The following PTPRT variants were observed in gnomAD, a reference collection of about 807,000 sequenced individuals.
PTPRT encodes the protein receptor-type tyrosine-protein phosphatase T.
Under a neutral mutation model 176.8 loss-of-function variants are expected in PTPRT, and 56 were observed. That is an observed-to-expected ratio of 0.32 (90% CI 0.26 to 0.40). The LOEUF (loss-of-function observed/expected upper bound fraction) is 0.40. Ranked by LOEUF, PTPRT falls within the 10% of genes least tolerant of loss-of-function variation. PTPRT has a pLI of 1.00. For missense variants in PTPRT, 1,540 were observed against 1,908.2 expected, an observed-to-expected ratio of 0.81 and a Z score of 3.60; for synonymous variants, 783 against 739.0, an observed-to-expected ratio of 1.06 and a Z score of -0.96.
chr20:42,162,921 G>C (rs903351226), intron 16 of PTPRT, among the ~76,000 whole-genome samples: 10 of 152,204 alleles, frequency 6.6e-5, no homozygotes, highest in Admixed American at 6.5e-4. Flanking sequence ...TAATGGAAGG[G>C]AACACCTGAC....
chr20:42,352,421 T>C, intron 9 of PTPRT, 136 bp from the exon 10 acceptor site: 1 of 762,448 alleles, frequency 1.3e-6, no homozygotes, highest in Non-Finnish European at 2.1e-6. Context: ...TCTGCTAAGC[T>C]GCCTGTTGCT....
Position 42,640,605 on chromosome 20 carries a change from T to G in PTPRT, c.1153+37261A>C, listed in dbSNP as rs147272784. Among the ~76,000 whole-genome samples the G allele has an allele frequency of 2.5e-3, 384 of 152,146 alleles. 4 individuals are homozygous for G. Among genetic ancestry groups the G allele is most frequent in the African/African-American group, 8.8e-3 (366 of 41,488 alleles). On this transcript the variant is annotated intron_variant, in intron 7 of 30. Transcript: ENST00000373187. Reference sequence around the variant, plus strand: ...GTTTTCACCATGTTGGCCAGGCTGGTCTCGAACTCCTGACCACCGCCTCAG... The same window carrying G: ...GTTTTCACCATGTTGGCCAGGCTGGGCTCGAACTCCTGACCACCGCCTCAG...
intron 2 of PTPRT, among the ~76,000 whole-genome samples, chr20:42,799,109 CAA>C (rs774987471): frequency 3.3e-5 from 5 of 150,688 alleles, no homozygotes; most frequent in Non-Finnish European, 7.4e-5. Flanking sequence ...AAGGAGAAAA[CAA>C]AAGAGTAATG....
At chr20:42,374,582 C>G (rs2058628969) in intron 9 of PTPRT, among the ~76,000 whole-genome samples, 1 of 151,882 alleles carries the variant, frequency 6.6e-6, no homozygotes, top group Non-Finnish European at 1.5e-5. Context: ...TCTTACAAAT[C>G]AATAAAAAAG....
At chr20:42,787,109 G>A (rs897949129) in intron 3 of PTPRT, among the ~76,000 whole-genome samples, 3 of 152,186 alleles carry the variant, frequency 2.0e-5, no homozygotes, top group Non-Finnish European at 4.4e-5. Context: ...GGCTTGTAAA[G>A]ACAAAAATGT....
chr20:43,175,113 C>T (rs1258702424), intron 1 of PTPRT, among the ~76,000 whole-genome samples: 1 of 152,198 alleles, frequency 6.6e-6, no homozygotes, highest in Non-Finnish European at 1.5e-5. Flanking sequence ...AAAGGCTGTC[C>T]TATGAAAGAA....
chr20:43,023,413 C>T (rs202031930), intron 1 of PTPRT, among the ~76,000 whole-genome samples: 3 of 152,154 alleles, frequency 2.0e-5, no homozygotes, highest in East Asian at 3.8e-4. Context: ...AGTGCTCATC[C>T]CCTCTGACAG....
chr20:42,808,683 T>C (rs1033794301), intron 2 of PTPRT, among the ~76,000 whole-genome samples: 4 of 152,174 alleles, frequency 2.6e-5, no homozygotes, highest in Non-Finnish European at 5.9e-5. Flanking sequence ...GGAGCTAATC[T>C]GGATGCGTCA....
chr20:42,185,144 T>C (rs895760322), intron 16 of PTPRT, among the ~76,000 whole-genome samples: 9 of 152,192 alleles, frequency 5.9e-5, no homozygotes, highest in Non-Finnish European at 8.8e-5. Context: ...CAGGTATCCA[T>C]GACCACATAG....
Position 42,933,720 on chromosome 20 carries a change from T to C in PTPRT, c.89-47788A>G, listed in dbSNP as rs1287214634. Among the ~76,000 whole-genome samples the C allele has an allele frequency of 4.6e-5, 7 of 152,208 alleles. No homozygotes were observed. In the East Asian group the frequency reaches 1.3e-3, roughly 29 times the overall value. Reference sequence around the variant, plus strand: ...CGGATGAGCCTCAGCAAGGTTCCTGTCAAAGCATCCCTCTTTTTGTTGATT... The same window carrying C: ...CGGATGAGCCTCAGCAAGGTTCCTGCCAAAGCATCCCTCTTTTTGTTGATT... On this transcript the variant is annotated intron_variant, in intron 1 of 30. Transcript: ENST00000373187.
chr20:42,261,689 G>A (rs189469382), intron 13 of PTPRT, among the ~76,000 whole-genome samples: 183 of 152,090 alleles, frequency 1.2e-3, no homozygotes, highest in Non-Finnish European at 2.0e-3. Context: ...ATATGTCTCA[G>A]CTTCCTTTGT....
At chr20:43,049,849 G>C (rs1273317227) in intron 1 of PTPRT, among the ~76,000 whole-genome samples, 1 of 152,192 alleles carries the variant, frequency 6.6e-6, no homozygotes, top group Non-Finnish European at 1.5e-5. Flanking sequence ...CTAGGCTCAA[G>C]GACCTGCTGT....
At chr20:42,639,385 T>C (rs2074684845) in intron 7 of PTPRT, among the ~76,000 whole-genome samples, 3 of 152,260 alleles carry the variant, frequency 2.0e-5, no homozygotes, top group South Asian at 2.1e-4. Flanking sequence ...GAAACTTGAA[T>C]TTGAAACCAG....
At chr20:42,423,312 C>A (rs2145777449) in intron 9 of PTPRT, among the ~76,000 whole-genome samples, 1 of 151,936 alleles carries the variant, frequency 6.6e-6, no homozygotes, top group Non-Finnish European at 1.5e-5. Context: ...CCTTGTTAGT[C>A]TCCCTGCTTA....
intron 11 of PTPRT, among the ~76,000 whole-genome samples, chr20:42,345,578 ATATATGTG>A (rs1188736707): frequency 4.7e-4 from 23 of 48,492 alleles, no homozygotes; most frequent in African/African-American, 1.3e-3. Flanking sequence ...ATACATACAT[ATATATGTG>A]TGTGTGTGTG....
intron 6 of PTPRT, among the ~76,000 whole-genome samples, chr20:42,719,180 AG>A: frequency 6.6e-6 from 1 of 152,352 alleles, no homozygotes; most frequent in East Asian, 1.9e-4. Context: ...TCCAACAGCT[AG>A]TTAATCGTAA....
At chr20:42,052,855 T>G in the PTPRT span, among the ~76,000 whole-genome samples, 2 of 152,206 alleles carry the variant, frequency 1.3e-5, no homozygotes, top group African/African-American at 4.8e-5. Flanking sequence ...CCTGAAAAGA[T>G]GAGGCCCGTG....
chr20:42,713,723 G>C (rs567768757), intron 6 of PTPRT, among the ~76,000 whole-genome samples: 1 of 152,070 alleles, frequency 6.6e-6, no homozygotes, highest in Non-Finnish European at 1.5e-5. Flanking sequence ...TCATGGGAGC[G>C]GATTTCTCAC....
At chr20:42,274,977 G>T (rs1224076994) in intron 13 of PTPRT, among the ~76,000 whole-genome samples, 1 of 152,174 alleles carries the variant, frequency 6.6e-6, no homozygotes, top group Admixed American at 6.5e-5. Context: ...TCTGTCTATA[G>T]TATTAACACA....
Sources: gnomAD v4.1 joint callset for allele counts (sites outside exome capture counted in the v4.1 genomes callset) on GRCh38, gnomAD v4.1.1 for gene constraint, MANE v1.5 for transcripts, NCBI Gene and HGNC (gene_info 2026-07-23, HGNC 2026-07-21) for gene names.